The following TUBB variants were observed in gnomAD, a reference collection of about 807,000 sequenced individuals.
TUBB encodes tubulin beta class I.
A neutral mutation model predicts 35.1 loss-of-function variants in TUBB; 2 were observed. That is an observed-to-expected ratio of 0.06 (90% confidence interval 0.02 to 0.18). The LOEUF is 0.18. Ranked by LOEUF, TUBB falls within the 10% of genes least tolerant of loss-of-function variation. The pLI is 1.00. For synonymous variants in TUBB, 205 were observed against 223.8 expected (o/e 0.92, Z 0.75); for missense variants, 50 against 599.4 (o/e 0.08, Z 9.57).
In TUBB at chr6:30,724,410, A is replaced by G. The variant is rs1382769679; in HGVS notation, c.*13A>G. The G allele has an allele frequency of 6.2e-7, 1 of 1,601,844 alleles. No homozygotes were observed. Among genetic ancestry groups the G allele is most frequent in the Non-Finnish European group, 8.5e-7 (1 of 1,174,052 alleles). Reference sequence around the variant, plus strand: ...AGAGGAGGCCTAAGGCAGAGCCCCCATCACCTCAGGCTTCTCAGTTCCCTT... The same window carrying G: ...AGAGGAGGCCTAAGGCAGAGCCCCCGTCACCTCAGGCTTCTCAGTTCCCTT... On this transcript the variant is annotated 3_prime_UTR_variant, in exon 4 of 4. Transcript: ENST00000327892. The surrounding 1 kb of genome is among the most constrained non-coding windows in gnomAD (Gnocchi z 4.4).
chr6:30,725,371 T>C lies in TUBB; in HGVS notation c.*974T>C, dbSNP rs1478323215. 2 of 152,494 alleles carry C rather than the reference T, an allele frequency of 1.3e-5. No homozygotes were observed. The highest frequency in any genetic ancestry group is 1.3e-4 in the Admixed American group (2 of 15,288). The allele number at this position is 152,494 out of a possible 1,614,324, so 9.4% of individuals were successfully genotyped here. A position where few individuals can be genotyped will look rare whatever the true frequency, so the allele number is the denominator to read the frequency against. On this transcript the variant is annotated 3_prime_UTR_variant, in exon 4 of 4. Coordinates refer to ENST00000327892, the MANE Select transcript of TUBB (RefSeq NM_178014.4). ...GTTGAACTTGCTGCTTTTTTTCATA[T>C]TGAAAAGATGACATCGCCCCAAGAG...
Position 30,724,695 on chromosome 6 carries a change from C to T in TUBB, c.*298C>T, listed in dbSNP as rs1776522430. 1 of 416,662 alleles carries T rather than the reference C, an allele frequency of 2.4e-6. No individual in the cohort carries two copies. Among genetic ancestry groups the T allele is most frequent in the Admixed American group, 4.0e-5 (1 of 24,716 alleles). 25.8% of individuals were successfully genotyped at this position (416,662 alleles called of 1,614,324 possible). On this transcript the variant is annotated 3_prime_UTR_variant, in exon 4 of 4. Transcript: ENST00000327892. This position sits in a 1 kb window ranked among gnomAD's most constrained non-coding sequence, Gnocchi z 4.4. ...GTTAATACTTCCTCTTAAAAATCTC[C>T]AAGAAGCTGGGTCTCCAGATCCCAT...
At position 30,722,653 on chromosome 6, in the gene TUBB, C is replaced by G. The variant is rs1253357059; in HGVS notation, c.166+8C>G. On this transcript the variant is annotated splice_region_variant and intron_variant, in intron 2 of 3. Coordinates refer to ENST00000327892, the MANE Select transcript of TUBB (RefSeq NM_178014.4). ...ACTACAATGAAGCCACAGGTAAGGG[C>G]AGGAGCCCGGGCAGCTCAGGTTCCC... 2.5e-6 allele frequency: 4 copies of G among 1,610,738 alleles called. No homozygotes were observed. The highest frequency in any genetic ancestry group is 3.4e-6 in the Non-Finnish European group (4 of 1,177,570).
In TUBB at chr6:30,725,253, T is replaced by C. The variant is rs1776585580; in HGVS notation, c.*856T>C. ...GAGGAGAGGGGAACCCTCCTCCATC[T>C]TTTTTGCAACATCTCATTTCTTCCT... On this transcript the variant is annotated 3_prime_UTR_variant, in exon 4 of 4. Transcript: ENST00000327892. 6.3e-6 allele frequency: 1 copy of C among 158,156 alleles called. No homozygotes were observed. The highest frequency in any genetic ancestry group is 1.4e-5 in the Non-Finnish European group (1 of 72,598). 9.8% of individuals were successfully genotyped at this position (158,156 alleles called of 1,614,324 possible). A position where few individuals can be genotyped will look rare whatever the true frequency, so the allele number is the denominator to read the frequency against.
rs1387336663 is a variant in TUBB, at chr6:30,722,659, C to G, written c.166+14C>G. ...ATGAAGCCACAGGTAAGGGCAGGAGCCCGGGCAGCTCAGGTTCCCTTCCCT... is the reference window on the plus strand; with the variant it reads ...ATGAAGCCACAGGTAAGGGCAGGAGGCCGGGCAGCTCAGGTTCCCTTCCCT... On this transcript the variant is annotated intron_variant, in intron 2 of 3. Transcript: ENST00000327892. 5 of 1,606,122 alleles carry G rather than the reference C, an allele frequency of 3.1e-6. No individual in the cohort carries two copies. The highest frequency in any genetic ancestry group is 4.3e-6 in the Non-Finnish European group (5 of 1,173,552).
intron 1 of TUBB, chr6:30,721,702 G>A: frequency 1.0e-6 from 1 of 985,400 alleles, no homozygotes; most frequent in South Asian, 4.7e-5. Context: ...GGAGAGCGGC[G>A]CTTATCGAAG....
At chr6:30,723,146 T>G in intron 3 of TUBB, 118 bp downstream of exon 3, 1 of 1,007,396 alleles carries the variant, frequency 9.9e-7, no homozygotes, top group Non-Finnish European at 1.5e-6. Context: ...TACAGAAATG[T>G]GTTCTGAAAT....
intron 1 of TUBB, chr6:30,721,908 T>C (rs752421959): frequency 1.4e-4 from 133 of 985,124 alleles, no homozygotes; most frequent in Admixed American, 1.8e-4. Context: ...GGTGGGCGAA[T>C]TGGGATCCCT....
At chr6:30,722,826 A>G in intron 2 of TUBB, 92 bp from the exon 3 acceptor site, 1 of 1,243,612 alleles carries the variant, frequency 8.0e-7, no homozygotes, top group Non-Finnish European at 1.1e-6. Context: ...CTGGAATGAC[A>G]AGTCTCTGAT....
Position 30,725,332 on chromosome 6 carries a change from G to A in TUBB, c.*935G>A, listed in dbSNP as rs149329937. 8 of 154,164 alleles carry A rather than the reference G, an allele frequency of 5.2e-5. No individual in the cohort carries two copies. In the East Asian group the frequency reaches 1.5e-3, roughly 30 times the overall value. The allele number at this position is 154,164 out of a possible 1,614,324, so 9.5% of individuals were successfully genotyped here. A position where few individuals can be genotyped will look rare whatever the true frequency, so the allele number is the denominator to read the frequency against. ...TGGTTTTGTTCTATCCTACATTTGAGATTTCTATTTTATGTTGAACTTGCT... is the reference window on the plus strand; with the variant it reads ...TGGTTTTGTTCTATCCTACATTTGAAATTTCTATTTTATGTTGAACTTGCT... On this transcript the variant is annotated 3_prime_UTR_variant, in exon 4 of 4. Coordinates refer to ENST00000327892, the MANE Select transcript of TUBB (RefSeq NM_178014.4).
intron 1 of TUBB, chr6:30,721,459 A>G (rs1368715200): frequency 1.3e-6 from 1 of 750,756 alleles, no homozygotes; most frequent in Non-Finnish European, 1.6e-6. Flanking sequence ...GCGCGGGGAC[A>G]ATGCGGCGTT....
At chr6:30,722,735 CT>C in intron 2 of TUBB, 90 bp downstream of exon 2, 1 of 1,251,730 alleles carries the variant, frequency 8.0e-7, no homozygotes, top group Non-Finnish European at 1.1e-6. Flanking sequence ...GCCTTATCCC[CT>C]TTGGGTGAAT....
intron 1 of TUBB, chr6:30,721,766 A>G (rs1562153534): frequency 1.0e-6 from 1 of 984,828 alleles, no homozygotes; most frequent in Non-Finnish European, 1.2e-6. Flanking sequence ...GCACATATCC[A>G]GAGCAGGGAA....
chr6:30,724,903 C>T lies in TUBB; in HGVS notation c.*506C>T, dbSNP rs1234108159. 6.4e-6 allele frequency: 1 copy of T among 156,984 alleles called. No homozygotes were observed. Among genetic ancestry groups the T allele is most frequent in the Non-Finnish European group, 1.4e-5 (1 of 71,282 alleles). The allele number at this position is 156,984 out of a possible 1,614,324, so 9.7% of individuals were successfully genotyped here. On this transcript the variant is annotated 3_prime_UTR_variant, in exon 4 of 4. Transcript: ENST00000327892. This position sits in a 1 kb window ranked among gnomAD's most constrained non-coding sequence, Gnocchi z 4.4. Reference sequence around the variant, plus strand: ...AAAGTCACTAAATTTCTAAGTATGTCCATTTCCCATCTCAGCTTCAAGGGA... The same window carrying T: ...AAAGTCACTAAATTTCTAAGTATGTTCATTTCCCATCTCAGCTTCAAGGGA...
At chr6:30,721,679 CA>C in intron 1 of TUBB, 1 of 985,402 alleles carries the variant, frequency 1.0e-6, no homozygotes, top group African/African-American at 1.7e-5. Flanking sequence ...GGGCGGTGCC[CA>C]GCTTGGGGGA....
At chr6:30,720,687 T>C (rs909254497) in intron 1 of TUBB, 124 bp downstream of exon 1, 4 of 768,836 alleles carry the variant, frequency 5.2e-6, no homozygotes, top group Non-Finnish European at 8.5e-6. Flanking sequence ...TCAAGTTTGT[T>C]ACATTTATAT....
rs756024282 is a variant in TUBB at position 30,722,578 on chromosome 6, C to T, written c.99C>T (p.Thr33=). The T allele has an allele frequency of 3.1e-6, 5 of 1,614,042 alleles. No individual in the cohort carries two copies. Among genetic ancestry groups the T allele is most frequent in the African/African-American group, 1.3e-5 (1 of 74,918 alleles). Residue 33 remains threonine, a synonymous_variant, in exon 2 of 4, where the codon ACC becomes ACT. Transcript: ENST00000327892. ...GTGATGAACATGGCATCGACCCCAC[C>T]GGCACCTACCACGGGGACAGCGACC... ...VISDEHGIDP[T]GTYHGDSDLQ...
chr6:30,721,147 G>A (rs1273546639), intron 1 of TUBB, among the ~76,000 whole-genome samples: 1 of 152,228 alleles, frequency 6.6e-6, no homozygotes, highest in African/African-American at 2.4e-5. Context: ...ATAAGAACGG[G>A]ATTAATTTTA....
At chr6:30,722,766 G>GT in intron 2 of TUBB, 121 bp downstream of exon 2, 3 of 1,136,952 alleles carry the variant, frequency 2.6e-6, no homozygotes, top group Middle Eastern at 2.0e-4. Flanking sequence ...TGTCCCTTTC[G>GT]TGAACCACCG....
Sources: allele counts gnomAD v4.1 joint callset (sites outside exome capture counted in the v4.1 genomes callset), GRCh38; gene constraint gnomAD v4.1.1; non-coding constraint Gnocchi (gnomAD v3.1); transcripts MANE v1.5; gene names NCBI Gene and HGNC (gene_info 2026-07-23, HGNC 2026-07-21).